The following GSDMB variants were observed in gnomAD, a reference collection of about 807,000 sequenced individuals.
The protein encoded by GSDMB is gasdermin-B.
In GSDMB, 32 loss-of-function variants were observed where a neutral mutation model predicts 42.9. That is an observed-to-expected ratio of 0.75 (90% CI 0.56 to 1.00). GSDMB has a LOEUF of 1.00. Among genes scored for constraint, GSDMB ranks in the 50% least tolerant of loss-of-function variants. The pLI is 0.00. For missense variants in GSDMB, 468 were observed against 498.5 expected, an observed-to-expected ratio of 0.94 and a Z score of 0.58; for synonymous variants, 175 against 193.7, an observed-to-expected ratio of 0.90 and a Z score of 0.80.
intron 3 of GSDMB, 40 bp downstream of exon 3, chr17:39,912,286 C>G: frequency 4.5e-4 from 653 of 1,439,142 alleles, no homozygotes; most frequent in Non-Finnish European, 5.6e-4. Context: ...CCAAGATGGG[C>G]TTCTTCCCCT....
In GSDMB at chr17:39,909,704, G is replaced by A. The variant is rs28494476; in HGVS notation, c.576+52C>T. The A allele has an allele frequency of 8.3e-4, 1,251 of 1,499,532 alleles. 12 individuals carry two copies. The African/African-American group carries it at 0.014, about 16-fold the overall frequency. The allele number at this position is 1,499,532 out of a possible 1,614,324, so 92.9% of individuals were successfully genotyped here. A position where few individuals can be genotyped will look rare whatever the true frequency, so the allele number is the denominator to read the frequency against. On this transcript the variant is annotated intron_variant, in intron 4 of 10. Transcript: ENST00000418519. ...TAAGGCTGGCATCGCCTTGACCTGC[G>A]GGGTGTGGGCCAACACTGGCCTCCA...
In GSDMB at chr17:39,912,220, T is replaced by G. The variant is rs146886103; in HGVS notation, c.407+106A>C. 173 of 771,954 alleles carry G rather than the reference T, an allele frequency of 2.2e-4. No individual in the cohort carries two copies. In the African/African-American group the frequency reaches 2.7e-3, roughly 12 times the overall value. The allele number at this position is 771,954 out of a possible 1,614,324, so 47.8% of individuals were successfully genotyped here. On this transcript the variant is annotated intron_variant, in intron 3 of 10. Coordinates refer to ENST00000418519, the MANE Select transcript of GSDMB (RefSeq NM_001165958.2). ...TCATGAAAAGCAGGGAAAAGAAAAATAAAAATAAATAAATTTTAAAAAGAG... is the reference window on the plus strand; with the variant it reads ...TCATGAAAAGCAGGGAAAAGAAAAAGAAAAATAAATAAATTTTAAAAAGAG...
At chr17:39,909,529 C>T (rs1415797733) in intron 4 of GSDMB, 5 of 510,710 alleles carry the variant, frequency 9.8e-6, no homozygotes, top group Non-Finnish European at 1.8e-5. Context: ...GACCTCATCT[C>T]TATTTAAAAA....
At chr17:39,915,741 C>T (rs1191805078) in intron 2 of GSDMB, among the ~76,000 whole-genome samples, 1 of 152,006 alleles carries the variant, frequency 6.6e-6, no homozygotes, top group Non-Finnish European at 1.5e-5. Flanking sequence ...CGAAACTCTG[C>T]TTGTGGAAAG....
intron 4 of GSDMB, 183 bp downstream of exon 4, chr17:39,909,573 C>A: frequency 1.7e-6 from 1 of 593,756 alleles, no homozygotes. Context: ...AAAGAGGGCA[C>A]CGCTAGAGAG....
chr17:39,912,573 AG>A, intron 2 of GSDMB, 76 bp from the exon 3 acceptor site: 1 of 1,176,168 alleles, frequency 8.5e-7, no homozygotes, highest in Non-Finnish European at 1.3e-6. Context: ...TCCCTGGGGC[AG>A]CCCCATCCTG....
At position 39,904,779 on chromosome 17, in the gene GSDMB, C is replaced by T; in HGVS notation, c.*33G>A. Reference sequence around the variant, plus strand: ...GAGGACAGACTGGTAAAGGGAAAACCCAGAGGCTTGTGGGGAGAAAGGGCT... The same window carrying T: ...GAGGACAGACTGGTAAAGGGAAAACTCAGAGGCTTGTGGGGAGAAAGGGCT... On this transcript the variant is annotated 3_prime_UTR_variant, in exon 11 of 11. Coordinates refer to ENST00000418519, the MANE Select transcript of GSDMB (RefSeq NM_001165958.2). The T allele has an allele frequency of 6.2e-7, 1 of 1,604,512 alleles. No homozygotes were observed. The highest frequency in any genetic ancestry group is 8.5e-7 in the Non-Finnish European group (1 of 1,172,898).
In GSDMB at chr17:39,917,036, G is replaced by A. The variant is rs775005585; in HGVS notation, c.235+46C>T. The A allele has an allele frequency of 1.1e-5, 14 of 1,239,516 alleles. No homozygotes were observed. In the Admixed American group the frequency reaches 1.2e-4, roughly 10 times the overall value. 76.8% of individuals were successfully genotyped at this position (1,239,516 alleles called of 1,614,324 possible). On this transcript the variant is annotated intron_variant, in intron 2 of 10. Transcript: ENST00000418519. The stretch of plus-strand genomic sequence containing the variant: ...ATTGAGAAGGAGATGGAGTACAAAC[G>A]GTCAAGGCCTCCTGGCTGGCCACCT...
At chr17:39,905,521 A>G in intron 9 of GSDMB, 25 bp from the exon 10 acceptor site, 1 of 1,580,648 alleles carries the variant, frequency 6.3e-7, no homozygotes, top group Non-Finnish European at 8.7e-7. Context: ...AGAGTGGTAA[A>G]AAGGAGAGAT....
intron 5 of GSDMB, among the ~76,000 whole-genome samples, chr17:39,908,470 C>T (rs1310795723): frequency 6.7e-6 from 1 of 150,014 alleles, no homozygotes; most frequent in Non-Finnish European, 1.5e-5. Flanking sequence ...ACCTCCACTT[C>T]CCAGGTTCAA....
intron 2 of GSDMB, 46 bp downstream of exon 2, chr17:39,917,036 G>C: frequency 1.6e-6 from 2 of 1,239,634 alleles, no homozygotes; most frequent in Non-Finnish European, 2.4e-6. Flanking sequence ...GAGTACAAAC[G>C]GTCAAGGCCT....
chr17:39,910,885 T>C (rs1399617107), intron 3 of GSDMB, among the ~76,000 whole-genome samples: 1 of 152,120 alleles, frequency 6.6e-6, no homozygotes, highest in Non-Finnish European at 1.5e-5. Context: ...CATTCTATAA[T>C]AGAAAACACC....
At chr17:39,916,872 C>T (rs1284001378) in intron 2 of GSDMB, among the ~76,000 whole-genome samples, 1 of 152,168 alleles carries the variant, frequency 6.6e-6, no homozygotes, top group South Asian at 2.1e-4. Flanking sequence ...CATTTAGGAA[C>T]GGTTTCCAGT....
chr17:39,905,940 C>G lies in GSDMB; in HGVS notation c.934G>C (p.Asp312His). The G allele has an allele frequency of 6.2e-7, 1 of 1,614,100 alleles. No homozygotes were observed. The highest frequency in any genetic ancestry group is 8.5e-7 in the Non-Finnish European group (1 of 1,179,990). ...ISGELHMEDP[D>H]KPLLSSLFNA... ...AAAAGGCTGCTTAGGAGAGGCTTGT[C>G]TGGGTCCTCCATGTGTAGCTCCCCG... The change falls in exon 9 of 11, where the codon GAC becomes CAC. Residue 312 changes from aspartate (D) to histidine (H), a missense_variant. Physicochemically the swap from Asp to His is moderately conservative, Grantham distance 81. Transcript: ENST00000418519.
intron 2 of GSDMB, among the ~76,000 whole-genome samples, chr17:39,916,637 C>A (rs1247068259): frequency 6.6e-6 from 1 of 152,068 alleles, no homozygotes; most frequent in African/African-American, 2.4e-5. Flanking sequence ...CAGGAGGAAA[C>A]TGAAACTTAG....
chr17:39,909,517 A>G (rs186955302), intron 4 of GSDMB: 2 of 491,040 alleles, frequency 4.1e-6, no homozygotes, highest in Admixed American at 3.3e-5. Flanking sequence ...GACAACATGC[A>G]AGACCTCATC....
chr17:39,906,742 T>G, intron 7 of GSDMB: 1 of 1,317,574 alleles, frequency 7.6e-7, no homozygotes, highest in Non-Finnish European at 9.8e-7. Flanking sequence ...TCGTCACTAG[T>G]TTTAAAGTTT....
chr17:39,906,708 A>T, intron 7 of GSDMB: 1 of 1,233,082 alleles, frequency 8.1e-7, no homozygotes, highest in Non-Finnish European at 1.1e-6. Context: ...CAATTAAGTC[A>T]GAGTTTCTGG....
chr17:39,910,014 G>T (rs1008723), intron 3 of GSDMB, 90 bp from the exon 4 acceptor site: 460,893 of 990,980 alleles, frequency 0.47, 110,398 homozygotes, highest in Non-Finnish European at 0.5. Context: ...AGCTCCTATT[G>T]AAGATTAATC....
Sources: allele counts gnomAD v4.1 joint callset (sites outside exome capture counted in the v4.1 genomes callset), GRCh38; gene constraint gnomAD v4.1.1; transcripts MANE v1.5; gene names NCBI Gene and HGNC (gene_info 2026-07-23, HGNC 2026-07-21).